CNTN5: variants seen among roughly 807,000 people sequenced by gnomAD.
The protein encoded by CNTN5 is contactin-5.
Under a neutral mutation model 129.1 loss-of-function variants are expected in CNTN5, and 77 were observed. The ratio of observed to expected loss-of-function variants is 0.60; its 90% CI spans 0.50 to 0.72. The LOEUF (loss-of-function observed/expected upper bound fraction) is 0.72. CNTN5 is among the 30% of genes least tolerant of loss of function. CNTN5 has a pLI of 0.00. For missense variants in CNTN5, 1,478 were observed against 1,328.8 expected (o/e 1.11, Z -1.75); for synonymous variants, 509 against 465.6 (o/e 1.09, Z -1.20).
intron 9 of CNTN5, among the ~76,000 whole-genome samples, chr11:100,022,555 T>C (rs1941216698): frequency 1.3e-5 from 2 of 152,230 alleles, no homozygotes; most frequent in African/African-American, 4.8e-5. Flanking sequence ...AGCTGGTTAA[T>C]CTTTCAAAGA....
At chr11:100,189,888 A>G (rs1026289437) in intron 13 of CNTN5, among the ~76,000 whole-genome samples, 1 of 152,078 alleles carries the variant, frequency 6.6e-6, no homozygotes, top group African/African-American at 2.4e-5. Flanking sequence ...ACACATCATA[A>G]ATCAAGTTTG....
At chr11:99,707,201 A>G (rs150774260) in intron 3 of CNTN5, among the ~76,000 whole-genome samples, 1 of 151,616 alleles carries the variant, frequency 6.6e-6, no homozygotes, top group East Asian at 2.0e-4. Flanking sequence ...CAAGTAAAAT[A>G]TATCTTCATC....
intron 15 of CNTN5, among the ~76,000 whole-genome samples, chr11:100,220,111 A>C (rs1317518368): frequency 1.3e-5 from 2 of 151,792 alleles, no homozygotes; most frequent in African/African-American, 4.8e-5. Context: ...CCCTGTCTCT[A>C]CTAAAAATAC....
At chr11:99,701,816 T>C (rs1488488577) in intron 3 of CNTN5, among the ~76,000 whole-genome samples, 1 of 151,100 alleles carries the variant, frequency 6.6e-6, no homozygotes, top group Non-Finnish European at 1.5e-5. Context: ...TGAAGATGAT[T>C]CATAGATTCT....
At chr11:99,359,449 A>G (rs866465248) in intron 2 of CNTN5, among the ~76,000 whole-genome samples, 9 of 152,016 alleles carry the variant, frequency 5.9e-5, no homozygotes, top group Middle Eastern at 3.2e-3. Flanking sequence ...GGGGACACAA[A>G]CATTCAGACC....
intron 2 of CNTN5, among the ~76,000 whole-genome samples, chr11:99,523,704 CAGAATAGAAT>C (rs55824176): frequency 0.096 from 11,403 of 118,410 alleles, 748 homozygotes; most frequent in East Asian, 0.14. Context: ...CAGAATAGAA[CAGAATAGAAT>C]AGAATAGAAT....
chr11:99,755,012 C>G (rs527482263), intron 3 of CNTN5, among the ~76,000 whole-genome samples: 1 of 152,264 alleles, frequency 6.6e-6, no homozygotes, highest in South Asian at 2.1e-4. Context: ...TGGAATCATA[C>G]AGTAGGTAGT....
chr11:100,270,051 G>A (rs559022058), intron 17 of CNTN5, among the ~76,000 whole-genome samples: 194 of 152,276 alleles, frequency 1.3e-3, no homozygotes, highest in Non-Finnish European at 2.4e-3. Context: ...AGAGGGAACA[G>A]AGTTGTTTTT....
chr11:99,669,355 C>T (rs945135761), intron 3 of CNTN5, among the ~76,000 whole-genome samples: 19 of 151,954 alleles, frequency 1.3e-4, no homozygotes, highest in Admixed American at 5.9e-4. Context: ...TATGCAACTT[C>T]GAGTAACCTG....
intron 2 of CNTN5, among the ~76,000 whole-genome samples, chr11:99,480,354 C>A (rs745628831): frequency 6.6e-6 from 1 of 152,066 alleles, no homozygotes; most frequent in South Asian, 2.1e-4. Flanking sequence ...GCTCTGGTGT[C>A]GGACAGCTGT....
chr11:99,964,407 T>C (rs1163423880), intron 8 of CNTN5, among the ~76,000 whole-genome samples: 1 of 152,222 alleles, frequency 6.6e-6, no homozygotes, highest in Non-Finnish European at 1.5e-5. Context: ...CTGCATCTAT[T>C]GTGATAATCA....
chr11:99,908,584 T>C (rs73551349), intron 6 of CNTN5, among the ~76,000 whole-genome samples: 1 of 152,052 alleles, frequency 6.6e-6, no homozygotes, highest in Non-Finnish European at 1.5e-5. Context: ...GTTAGAAATT[T>C]TATCAAATGT....
intron 13 of CNTN5, among the ~76,000 whole-genome samples, chr11:100,111,606 C>G (rs947114523): frequency 1.4e-4 from 21 of 152,134 alleles, no homozygotes; most frequent in African/African-American, 4.8e-4. Context: ...CTTGCAGTGT[C>G]TTTTGCTTAT....
At chr11:99,141,768 G>A (rs1859527524) in intron 1 of CNTN5, among the ~76,000 whole-genome samples, 1 of 152,070 alleles carries the variant, frequency 6.6e-6, no homozygotes, top group South Asian at 2.1e-4. Context: ...AGTCATCCAG[G>A]AGCAGTTTGT....
At chr11:100,228,981 G>A (rs1949435871) in intron 16 of CNTN5, among the ~76,000 whole-genome samples, 1 of 152,130 alleles carries the variant, frequency 6.6e-6, no homozygotes, top group Non-Finnish European at 1.5e-5. Context: ...GTGACAGAAA[G>A]GCATTAATCT....
intron 8 of CNTN5, among the ~76,000 whole-genome samples, chr11:99,966,617 A>G (rs1192354997): frequency 6.6e-6 from 1 of 152,212 alleles, no homozygotes; most frequent in African/African-American, 2.4e-5. Flanking sequence ...GGTTGCACCT[A>G]CATGAACCTG....
chr11:99,660,638 C>T (rs1952562048), intron 3 of CNTN5, among the ~76,000 whole-genome samples: 1 of 152,006 alleles, frequency 6.6e-6, no homozygotes, highest in South Asian at 2.1e-4. Context: ...GTAGAGCCAG[C>T]ATGACTTGTT....
At chr11:100,041,728 A>G (rs370344725) in intron 9 of CNTN5, among the ~76,000 whole-genome samples, 1 of 152,350 alleles carries the variant, frequency 6.6e-6, no homozygotes, top group East Asian at 1.9e-4. Flanking sequence ...ATGAAAGAAA[A>G]GATTATAATT....
At chr11:99,629,760 T>C (rs189126995) in intron 3 of CNTN5, among the ~76,000 whole-genome samples, 2 of 151,934 alleles carry the variant, frequency 1.3e-5, no homozygotes, top group African/African-American at 4.8e-5. Flanking sequence ...TAAAATGAGA[T>C]ACTCAATTCA....
Sources: gnomAD v4.1 joint callset for allele counts (sites outside exome capture counted in the v4.1 genomes callset) on GRCh38, gnomAD v4.1.1 for gene constraint, MANE v1.5 for transcripts, NCBI Gene and HGNC (gene_info 2026-07-23, HGNC 2026-07-21) for gene names.